The following CFAP92 variants were observed in gnomAD, a reference collection of about 807,000 sequenced individuals.
CFAP92 encodes the protein uncharacterized protein CFAP92.
CFAP92 carries 86 observed loss-of-function variants against 106.3 expected under a neutral mutation model. The observed-to-expected ratio is 0.81, with a 90% CI of 0.68 to 0.97. The LOEUF (loss-of-function observed/expected upper bound fraction) is 0.97, where lower values mean the gene tolerates loss of function less well. Ranked by LOEUF, CFAP92 falls within the 50% of genes least tolerant of loss-of-function variation. The pLI is 0.00. For missense variants in CFAP92, 1,204 were observed against 1,283.8 expected, an observed-to-expected ratio of 0.94 and a Z score of 0.95; for synonymous variants, 477 against 506.4, an observed-to-expected ratio of 0.94 and a Z score of 0.78.
chr3:129,002,014 C>A, intron 1 of CFAP92: 1 of 1,545,688 alleles, frequency 6.5e-7, no homozygotes, highest in Non-Finnish European at 8.7e-7. Context: ...GATGAAGAGG[C>A]GCGCCTGGCG....
At chr3:128,977,111 G>C in intron 5 of CFAP92, 45 bp from the exon 6 acceptor site, 2 of 1,522,664 alleles carry the variant, frequency 1.3e-6, no homozygotes, top group South Asian at 2.3e-5. Flanking sequence ...TTACATGCTA[G>C]TTCACTAAGA....
chr3:128,959,422 GA>G (rs1486631367), intron 9 of CFAP92, among the ~76,000 whole-genome samples: 7 of 151,970 alleles, frequency 4.6e-5, no homozygotes, highest in Admixed American at 6.6e-5. Flanking sequence ...AAAAAAGGTA[GA>G]AAAAAATATA....
intron 6 of CFAP92, among the ~76,000 whole-genome samples, chr3:128,976,348 G>A (rs1450186117): frequency 6.6e-6 from 1 of 152,124 alleles, no homozygotes; most frequent in African/African-American, 2.4e-5. Flanking sequence ...CTGAGTGAAA[G>A]GATATATACC....
At chr3:128,947,262 A>G (rs188447653) in intron 9 of CFAP92, among the ~76,000 whole-genome samples, 34 of 152,260 alleles carry the variant, frequency 2.2e-4, no homozygotes, top group African/African-American at 7.9e-4. Flanking sequence ...AAATGGAGAG[A>G]TGTACTATAT....
chr3:128,912,584 C>T lies in CFAP92; in HGVS notation c.3281-2251G>A. The T allele has an allele frequency of 1.2e-6, 2 of 1,614,184 alleles. No individual in the cohort carries two copies. Among genetic ancestry groups the T allele is most frequent in the Non-Finnish European group, 1.7e-6 (2 of 1,180,012 alleles). Reference sequence around the variant, plus strand: ...TGAGAAGCGAGCCTATATCTGTGCCCACCCTCTGGACAGGACATGCTGAGG... The same window carrying T: ...TGAGAAGCGAGCCTATATCTGTGCCTACCCTCTGGACAGGACATGCTGAGG... On this transcript the variant is annotated intron_variant, in intron 15 of 15. Coordinates refer to ENST00000645291, the MANE Select transcript of CFAP92 (RefSeq NM_001394090.1).
chr3:128,936,908 C>T (rs768444204), intron 10 of CFAP92, among the ~76,000 whole-genome samples: 2 of 152,166 alleles, frequency 1.3e-5, no homozygotes, highest in African/African-American at 4.8e-5. Flanking sequence ...TTACTTTTAA[C>T]GTTGCCAAAT....
At chr3:128,984,130 G>C (rs1333436997) in intron 4 of CFAP92, among the ~76,000 whole-genome samples, 1 of 152,200 alleles carries the variant, frequency 6.6e-6, no homozygotes, top group African/African-American at 2.4e-5. Flanking sequence ...GGGGGGCTTT[G>C]AAAAGAATGC....
intron 15 of CFAP92, chr3:128,910,652 C>T (rs922687896): frequency 5.0e-6 from 7 of 1,404,996 alleles, no homozygotes; most frequent in Non-Finnish European, 7.0e-6. Context: ...TGCCATGCTA[C>T]CCAGTTTGGC....
At chr3:128,983,628 G>T (rs150916115) in intron 4 of CFAP92, among the ~76,000 whole-genome samples, 27 of 152,250 alleles carry the variant, frequency 1.8e-4, no homozygotes, top group Non-Finnish European at 3.1e-4. Flanking sequence ...CTACAAGAAA[G>T]AAGTGGAAAA....
At chr3:128,994,359 G>A (rs1301572518), upstream of CFAP92, among the ~76,000 whole-genome samples, 7 of 152,220 alleles carry the variant, frequency 4.6e-5, no homozygotes, top group Admixed American at 4.6e-4. Context: ...GGAGGTAGGG[G>A]TTGATGGCTC....
intron 8 of CFAP92, chr3:128,967,282 C>T (rs561747220): frequency 4.6e-5 from 7 of 152,308 alleles, no homozygotes; most frequent in East Asian, 1.9e-4. Context: ...TGAACAGAGG[C>T]GTGCACAGCT....
chr3:128,935,741 C>T (rs762688428), intron 10 of CFAP92, among the ~76,000 whole-genome samples: 4 of 151,936 alleles, frequency 2.6e-5, no homozygotes, highest in African/African-American at 4.8e-5. Flanking sequence ...AAAAACAAGC[C>T]CAGGCAGGTG....
chr3:128,919,816 T>C (rs1207996240), intron 12 of CFAP92, among the ~76,000 whole-genome samples: 3 of 152,190 alleles, frequency 2.0e-5, no homozygotes, highest in Non-Finnish European at 2.9e-5. Context: ...TTGGAAATTG[T>C]GCCAAGGAGG....
chr3:128,971,204 G>A, intron 8 of CFAP92, 83 bp downstream of exon 8: 2 of 1,603,434 alleles, frequency 1.2e-6, no homozygotes, highest in South Asian at 1.1e-5. Flanking sequence ...ACGCAGCAGG[G>A]TTGTCATTAG....
the CFAP92 span, among the ~76,000 whole-genome samples, chr3:129,015,254 GC>G: frequency 5.3e-5 from 8 of 151,962 alleles, no homozygotes; most frequent in Non-Finnish European, 1.0e-4. Context: ...CCATCCCCAA[GC>G]CTACTCCTGA....
Position 128,993,171 on chromosome 3 carries a change from T to A in CFAP92, c.134A>T (p.Glu45Val), listed in dbSNP as rs1944325762. The A allele has an allele frequency of 6.2e-7, 1 of 1,613,944 alleles. No homozygotes were observed. Among genetic ancestry groups the A allele is most frequent in the African/African-American group, 1.3e-5 (1 of 74,934 alleles). Residue 45 changes from glutamate (E) to valine (V), a missense_variant, in exon 2 of 16, where the codon GAG becomes GTG. Transcript: ENST00000645291. The stretch of plus-strand genomic sequence containing the variant: ...GCTGCACGGGCGGTCAGAGTCAGAC[T>A]CCTGGGCCCTGGCCTTGGCCTTCAG... ...EHLKAKARAQ[E>V]SDSDRPCSSI... is the part of the protein sequence containing the mutation.
the CFAP92 span, among the ~76,000 whole-genome samples, chr3:129,017,505 G>A: frequency 8.6e-3 from 1,307 of 152,344 alleles, 21 homozygotes; most frequent in African/African-American, 0.03. Flanking sequence ...GGGAAAGCCC[G>A]TTCCAGTGTT....
chr3:128,962,130 G>A (rs1053639781), intron 9 of CFAP92, among the ~76,000 whole-genome samples: 20 of 152,264 alleles, frequency 1.3e-4, no homozygotes, highest in South Asian at 2.1e-4. Flanking sequence ...ACTCTGGCCC[G>A]AGGCTCTCTG....
At chr3:129,017,041 C>T in the CFAP92 span, among the ~76,000 whole-genome samples, 1 of 152,222 alleles carries the variant, frequency 6.6e-6, no homozygotes, top group African/African-American at 2.4e-5. Flanking sequence ...GTCATTTTGG[C>T]CTGTCAGCAA....
Sources: allele counts gnomAD v4.1 joint callset (sites outside exome capture counted in the v4.1 genomes callset), GRCh38; gene constraint gnomAD v4.1.1; transcripts MANE v1.5; gene names NCBI Gene and HGNC (gene_info 2026-07-23, HGNC 2026-07-21).